Variants in TNR observed in about 807,000 individuals in gnomAD.
TNR encodes tenascin-R.
Under a neutral mutation model 150.4 loss-of-function variants are expected in TNR, and 45 were observed. The observed-to-expected ratio is 0.30, with a 90% confidence interval of 0.24 to 0.38. The LOEUF is 0.38. Among genes scored for constraint, TNR ranks in the 10% least tolerant of loss-of-function variants. The pLI is 1.00. For synonymous variants in TNR, 687 were observed against 678.4 expected, an observed-to-expected ratio of 1.01 and a Z score of -0.20; for missense variants, 1,544 against 1,759.1, an observed-to-expected ratio of 0.88 and a Z score of 2.19.
intron 2 of TNR, among the ~76,000 whole-genome samples, chr1:175,415,825 A>C (rs1654416435): frequency 6.6e-6 from 1 of 152,106 alleles, no homozygotes; most frequent in African/African-American, 2.4e-5. Context: ...GGAGTAATGA[A>C]AATATCATGA....
intron 20 of TNR, among the ~76,000 whole-genome samples, chr1:175,331,563 G>A (rs779029797): frequency 6.6e-6 from 1 of 152,004 alleles, no homozygotes; most frequent in Non-Finnish European, 1.5e-5. Context: ...GTGCCTGGCC[G>A]ATATTTTCTT....
At chr1:175,673,344 G>C (rs1457850480) in intron 1 of TNR, among the ~76,000 whole-genome samples, 1 of 152,164 alleles carries the variant, frequency 6.6e-6, no homozygotes, top group Non-Finnish European at 1.5e-5. Context: ...AAGCCTTATG[G>C]GGAGGCAATT....
chr1:175,597,399 C>T (rs1181454385), intron 1 of TNR, among the ~76,000 whole-genome samples: 1 of 152,178 alleles, frequency 6.6e-6, no homozygotes, highest in Non-Finnish European at 1.5e-5. Flanking sequence ...TCCAGAGGCT[C>T]ATGTAATAGG....
intron 1 of TNR, among the ~76,000 whole-genome samples, chr1:175,565,650 G>C (rs1250636949): frequency 1.3e-5 from 2 of 152,140 alleles, no homozygotes; most frequent in Admixed American, 6.5e-5. Context: ...GACACACATT[G>C]ACTTTTTTCT....
intron 1 of TNR, among the ~76,000 whole-genome samples, chr1:175,697,257 G>A (rs1666558306): frequency 6.6e-6 from 1 of 152,100 alleles, no homozygotes; most frequent in Non-Finnish European, 1.5e-5. Context: ...AGGCTGCAGT[G>A]AAAGAGGCTG....
chr1:175,574,586 TAC>T (rs376373972), intron 1 of TNR, among the ~76,000 whole-genome samples: 154 of 151,138 alleles, frequency 1.0e-3, no homozygotes, highest in African/African-American at 3.4e-3. Flanking sequence ...CACTTGTACA[TAC>T]ACACACACAC....
intron 9 of TNR, among the ~76,000 whole-genome samples, chr1:175,371,213 A>G (rs1247414065): frequency 1.3e-5 from 2 of 152,200 alleles, no homozygotes; most frequent in Non-Finnish European, 2.9e-5. Context: ...AACTCCTGCA[A>G]GTGGTAACAT....
At chr1:175,331,162 T>TTCCTTCCTTCCTTCCTTCC (rs1649883236) in intron 20 of TNR, among the ~76,000 whole-genome samples, 4 of 70,910 alleles carry the variant, frequency 5.6e-5, no homozygotes, top group African/African-American at 2.9e-4. Flanking sequence ...TTTCTTTTTC[T>TTCCTTCCTTCCTTCCTTCC]TTCCTTCCTT....
chr1:175,421,468 A>G (rs1654754429), intron 2 of TNR, among the ~76,000 whole-genome samples: 1 of 152,198 alleles, frequency 6.6e-6, no homozygotes, highest in Non-Finnish European at 1.5e-5. Flanking sequence ...CAGGTGAGCT[A>G]TTTCCTAAAA....
intron 1 of TNR, among the ~76,000 whole-genome samples, chr1:175,590,884 A>G (rs71645256): frequency 0.1 from 15,343 of 152,276 alleles, 1,155 homozygotes; most frequent in East Asian, 0.37. Context: ...CCCACAAAGC[A>G]TCAGTCATAA....
Position 175,363,836 on chromosome 1 carries a change from A to G in TNR, c.2588-9T>C, listed in dbSNP as rs765887516. ...TTTTGGGGGATCAATTCCTACAAGGACCCAGTGATTGTGGGAAAAAGACAG... is the reference window on the plus strand; with the variant it reads ...TTTTGGGGGATCAATTCCTACAAGGGCCCAGTGATTGTGGGAAAAAGACAG... On this transcript the variant is annotated splice_polypyrimidine_tract_variant and intron_variant, in intron 12 of 22. Transcript: ENST00000367674. 6.2e-7 allele frequency: 1 copy of G among 1,603,174 alleles called. No homozygotes were observed. Among genetic ancestry groups the G allele is most frequent in the East Asian group, 2.3e-5 (1 of 44,432 alleles).
chr1:175,582,362 A>T (rs12091024), intron 1 of TNR, among the ~76,000 whole-genome samples: 1 of 152,170 alleles, frequency 6.6e-6, no homozygotes. Context: ...TGACTGTGGC[A>T]AGAAAAGGCT....
intron 2 of TNR, among the ~76,000 whole-genome samples, chr1:175,472,492 C>G (rs1312314801): frequency 6.6e-6 from 1 of 152,206 alleles, no homozygotes; most frequent in African/African-American, 2.4e-5. Flanking sequence ...TTTTTTATGA[C>G]TTGCAGTGTG....
At chr1:175,380,089 G>A (rs1455490294) in intron 8 of TNR, among the ~76,000 whole-genome samples, 1 of 152,214 alleles carries the variant, frequency 6.6e-6, no homozygotes, top group Non-Finnish European at 1.5e-5. Flanking sequence ...CAGCTCCCGA[G>A]TGATGGAGAT....
chr1:175,722,222 C>T (rs1017021385), intron 1 of TNR, among the ~76,000 whole-genome samples: 7 of 152,272 alleles, frequency 4.6e-5, no homozygotes, highest in Admixed American at 3.9e-4. Context: ...CCCTCCTCCT[C>T]CTTCCCCTAT....
At chr1:175,571,291 T>A (rs1273344571) in intron 1 of TNR, among the ~76,000 whole-genome samples, 4 of 152,198 alleles carry the variant, frequency 2.6e-5, no homozygotes, top group Non-Finnish European at 5.9e-5. Context: ...TAAAGCCCCA[T>A]CTTCTTTTGA....
chr1:175,584,010 C>G (rs1441897825), intron 1 of TNR, among the ~76,000 whole-genome samples: 1 of 152,154 alleles, frequency 6.6e-6, no homozygotes, highest in Non-Finnish European at 1.5e-5. Context: ...GGACACCTTT[C>G]TTGACCCTAT....
At chr1:175,406,174 C>A in intron 3 of TNR, 42 bp downstream of exon 3, 1 of 1,590,916 alleles carries the variant, frequency 6.3e-7, no homozygotes, top group South Asian at 1.2e-5. Flanking sequence ...TCAGCCCTCT[C>A]CTTCCCCTCC....
At chr1:175,726,413 C>A (rs2101949147) in intron 1 of TNR, among the ~76,000 whole-genome samples, 1 of 152,354 alleles carries the variant, frequency 6.6e-6, no homozygotes, top group South Asian at 2.1e-4. Flanking sequence ...TATAGATTTT[C>A]TGCAGTTTAG....
Sources: allele counts gnomAD v4.1 joint callset (sites outside exome capture counted in the v4.1 genomes callset), GRCh38; gene constraint gnomAD v4.1.1; transcripts MANE v1.5; gene names NCBI Gene and HGNC (gene_info 2026-07-23, HGNC 2026-07-21).